Variants in MTO1 observed in about 807,000 individuals in gnomAD.
MTO1 encodes the protein mitochondrial tRNA translation optimization 1, also known as 5-taurinomethyluridine-[tRNA] synthase subunit MTO1, mitochondrial.
MTO1 carries 46 observed loss-of-function variants against 71.6 expected under a neutral mutation model. That is an observed-to-expected ratio of 0.64 (90% confidence interval 0.51 to 0.82). The LOEUF (loss-of-function observed/expected upper bound fraction) is 0.82. Among genes scored for constraint, MTO1 ranks in the 40% least tolerant of loss-of-function variants. The pLI, the probability that MTO1 is intolerant of heterozygous loss-of-function variation, is 0.00. For missense variants in MTO1, 773 were observed against 867.5 expected, an observed-to-expected ratio of 0.89 and a Z score of 1.37; for synonymous variants, 297 against 312.1, an observed-to-expected ratio of 0.95 and a Z score of 0.51.
At chr6:73,483,879 A>G (rs990304360) in intron 9 of MTO1, among the ~76,000 whole-genome samples, 3 of 151,366 alleles carry the variant, frequency 2.0e-5, no homozygotes, top group Non-Finnish European at 4.4e-5. Flanking sequence ...CCCGGGTTCA[A>G]GCAATTCTCC....
At chr6:73,467,775 C>T (rs2150028165) in intron 3 of MTO1, among the ~76,000 whole-genome samples, 1 of 152,090 alleles carries the variant, frequency 6.6e-6, no homozygotes, top group South Asian at 2.1e-4. Context: ...CTTTTTACTT[C>T]CTAATTTACA....
In MTO1 at chr6:73,502,358, C is replaced by T. The variant is rs7765670; in HGVS notation, c.*1623C>T. 0.14 allele frequency: 21,064 copies of T among 152,038 alleles called. 1,774 individuals are homozygous for T. The highest frequency in any genetic ancestry group is 0.2 in the East Asian group (1,043 of 5,152). The allele number at this position is 152,038 out of a possible 1,614,324, so 9.4% of individuals were successfully genotyped here. A position where few individuals can be genotyped will look rare whatever the true frequency, so the allele number is the denominator to read the frequency against. ...ACTCAGGAGGCTGAGGCAGGAGAAT[C>T]GCTTGAACCCAGGAGGCAGAGGTTG... On this transcript the variant is annotated 3_prime_UTR_variant, in exon 12 of 12. Transcript: ENST00000498286.
At chr6:73,463,598 C>T (rs978572371) in intron 1 of MTO1, among the ~76,000 whole-genome samples, 15 of 152,116 alleles carry the variant, frequency 9.9e-5, no homozygotes, top group African/African-American at 3.1e-4. Context: ...TCCTGAAATT[C>T]TTCTTTAAAA....
chr6:73,470,823 C>T (rs1183137024), intron 3 of MTO1, among the ~76,000 whole-genome samples: 1 of 152,144 alleles, frequency 6.6e-6, no homozygotes, highest in Non-Finnish European at 1.5e-5. Flanking sequence ...CATGATGGCT[C>T]ACGCCTGTAG....
chr6:73,466,164 G>T, intron 1 of MTO1, 45 bp from the exon 2 acceptor site: 2 of 1,504,724 alleles, frequency 1.3e-6, no homozygotes, highest in Non-Finnish European at 1.8e-6. Flanking sequence ...GTCACTATGT[G>T]CAAGGTGCTC....
At position 73,462,019 on chromosome 6, in the gene MTO1, C is replaced by T. The variant is rs764604575; in HGVS notation, c.165C>T (p.Ala55=). The T allele has an allele frequency of 1.2e-6, 2 of 1,614,042 alleles. No homozygotes were observed. Among genetic ancestry groups the T allele is most frequent in the Middle Eastern group, 1.7e-4 (1 of 6,060 alleles). The change falls in exon 1 of 12, where the codon GCC becomes GCT. Residue 55 remains alanine (A), a synonymous_variant. Coordinates refer to ENST00000498286, the MANE Select transcript of MTO1 (RefSeq NM_012123.4). ...GHAGTEAATA[A]ARCGSRTLLL... Reference sequence around the variant, plus strand: ...CCGGGACTGAGGCAGCCACCGCCGCCGCTCGGTGCGGCTCTCGGACTCTGC... The same window carrying T: ...CCGGGACTGAGGCAGCCACCGCCGCTGCTCGGTGCGGCTCTCGGACTCTGC...
intron 11 of MTO1, 83 bp from the exon 12 acceptor site, chr6:73,500,490 TA>T: frequency 8.5e-7 from 1 of 1,180,224 alleles, no homozygotes. Flanking sequence ...TAAACTATAC[TA>T]TACAGATTGT....
Position 73,461,976 on chromosome 6 carries a change from T to G in MTO1, c.122T>G (p.Val41Gly), listed in dbSNP as rs1770831602. 5 of 1,614,172 alleles carry G rather than the reference T, an allele frequency of 3.1e-6. No homozygotes were observed. The highest frequency in any genetic ancestry group is 4.2e-6 in the Non-Finnish European group (5 of 1,180,022). ...CGGACTCCGCACTTCGACGTGATAG[T>G]CATTGGTGGAGGACATGCCGGGACT... is the stretch of plus-strand genomic sequence containing the variant. ...APRTPHFDVI[V>G]IGGGHAGTEA... The change falls in exon 1 of 12, where the codon GTC becomes GGC. Residue 41 changes from valine (V) to glycine (G), a missense_variant. Val to Gly is a moderately radical substitution (Grantham distance 109). Coordinates refer to ENST00000498286, the MANE Select transcript of MTO1 (RefSeq NM_012123.4).
At chr6:73,464,674 AAAG>A (rs1463228160) in intron 1 of MTO1, among the ~76,000 whole-genome samples, 10 of 151,240 alleles carry the variant, frequency 6.6e-5, no homozygotes, top group Non-Finnish European at 1.3e-4. Flanking sequence ...AAAAAAAAAA[AAAG>A]AAAGAAAATT....
rs1279457927 is a variant in MTO1, at chr6:73,468,422, AAC to A, written c.535+1817_535+1818del. The stretch of plus-strand genomic sequence containing the variant: ...GCATGAGCACTGTGCCCAGCCTATT[AAC>A]TTATTATTATGGTAATTCTCTTTAA... On this transcript the variant is annotated intron_variant, in intron 3 of 11. Transcript: ENST00000498286. Among the ~76,000 whole-genome samples the A allele has an allele frequency of 1.3e-4, 19 of 151,988 alleles. No homozygotes were observed. In the South Asian group the frequency reaches 1.7e-3, roughly 13 times the overall value.
chr6:73,464,671 A>G (rs534472482), intron 1 of MTO1, among the ~76,000 whole-genome samples: 5 of 151,360 alleles, frequency 3.3e-5, no homozygotes, highest in African/African-American at 1.2e-4. Context: ...AAAAAAAAAA[A>G]AAAAAGAAAG....
At chr6:73,467,922 G>A (rs1479397633) in intron 3 of MTO1, among the ~76,000 whole-genome samples, 3 of 152,110 alleles carry the variant, frequency 2.0e-5, no homozygotes, top group South Asian at 4.1e-4. Context: ...CCGGGTTCAA[G>A]CGATTCTCCT....
At chr6:73,473,718 T>C in intron 4 of MTO1, 64 bp downstream of exon 4, 1 of 1,113,156 alleles carries the variant, frequency 9.0e-7, no homozygotes, top group Non-Finnish European at 1.2e-6. Context: ...GGAAGTACTG[T>C]AACTTTTTTT....
At chr6:73,488,019 A>C (rs917421672) in intron 9 of MTO1, 2 of 152,174 alleles carry the variant, frequency 1.3e-5, no homozygotes, top group African/African-American at 4.8e-5. Context: ...GATAGTAGCC[A>C]TCCTAGTGGA....
chr6:73,478,078 G>A (rs919410343), intron 4 of MTO1, among the ~76,000 whole-genome samples: 6 of 150,940 alleles, frequency 4.0e-5, no homozygotes, highest in East Asian at 2.0e-4. Context: ...GTGAAACCCC[G>A]TCTCTACTAA....
chr6:73,483,629 T>A (rs2150038226), intron 9 of MTO1, among the ~76,000 whole-genome samples: 1 of 151,988 alleles, frequency 6.6e-6, no homozygotes, highest in Admixed American at 6.6e-5. Flanking sequence ...TGTTTTTAAT[T>A]TTTTTGAGAT....
chr6:73,494,601 T>G (rs570981875), intron 10 of MTO1, among the ~76,000 whole-genome samples: 3 of 147,868 alleles, frequency 2.0e-5, no homozygotes, highest in Admixed American at 6.7e-5. Flanking sequence ...CTCAGCCTCC[T>G]GAGTAGCTGT....
chr6:73,478,345 C>A (rs377067948), intron 4 of MTO1, among the ~76,000 whole-genome samples: 39 of 151,442 alleles, frequency 2.6e-4, no homozygotes, highest in African/African-American at 9.4e-4. Flanking sequence ...TTTGGGAGGC[C>A]AAGGTAGGAG....
At chr6:73,462,854 CAT>C (rs1031496083) in intron 1 of MTO1, among the ~76,000 whole-genome samples, 1 of 152,084 alleles carries the variant, frequency 6.6e-6, no homozygotes, top group Non-Finnish European at 1.5e-5. Flanking sequence ...AGTGACTACT[CAT>C]AGGCACGATC....
Sources: gnomAD v4.1 joint callset for allele counts (sites outside exome capture counted in the v4.1 genomes callset) on GRCh38, gnomAD v4.1.1 for gene constraint, MANE v1.5 for transcripts, NCBI Gene and HGNC (gene_info 2026-07-23, HGNC 2026-07-21) for gene names.